The following GPC6 variants were observed in gnomAD, a reference collection of about 807,000 sequenced individuals.
GPC6 encodes the protein glypican 6.
A neutral mutation model predicts 55.2 loss-of-function variants in GPC6; 14 were observed. The ratio of observed to expected loss-of-function variants is 0.25; its 90% CI spans 0.17 to 0.40. The LOEUF (loss-of-function observed/expected upper bound fraction) is 0.40, where lower values mean the gene tolerates loss of function less well. Among genes scored for constraint, GPC6 ranks in the 10% least tolerant of loss-of-function variants. The pLI, the probability that GPC6 is intolerant of heterozygous loss-of-function variation, is 1.00. For synonymous variants in GPC6, 278 were observed against 259.6 expected (o/e 1.07, Z -0.68); for missense variants, 641 against 708.5 (o/e 0.90, Z 1.08).
chr13:93,646,684 G>A (rs1380885639), intron 2 of GPC6, among the ~76,000 whole-genome samples: 1 of 151,780 alleles, frequency 6.6e-6, no homozygotes, highest in Non-Finnish European at 1.5e-5. Flanking sequence ...AATTATTTTT[G>A]TCAAGCTGTT....
intron 3 of GPC6, among the ~76,000 whole-genome samples, chr13:93,996,547 G>A (rs1310848652): frequency 6.6e-6 from 1 of 152,006 alleles, no homozygotes; most frequent in Admixed American, 6.6e-5. Context: ...GTGCTTTCTT[G>A]TCTCCACTCA....
chr13:93,741,169 G>C (rs1485480014), intron 2 of GPC6, among the ~76,000 whole-genome samples: 29 of 139,668 alleles, frequency 2.1e-4, no homozygotes, highest in African/African-American at 7.5e-4. Context: ...TGTCGCCCAG[G>C]TTGGAGTGCA....
intron 6 of GPC6, among the ~76,000 whole-genome samples, chr13:94,377,216 G>A (rs1879910994): frequency 6.6e-6 from 1 of 151,098 alleles, no homozygotes; most frequent in African/African-American, 2.4e-5. Flanking sequence ...TAATTAAAGA[G>A]CTTCTGCACA....
intron 3 of GPC6, among the ~76,000 whole-genome samples, chr13:93,908,621 G>A (rs7999172): frequency 0.58 from 88,184 of 151,824 alleles, 28,389 homozygotes; most frequent in Middle Eastern, 0.73. Context: ...GTTAGGTGGG[G>A]GAAGGAGTAA....
At chr13:93,441,648 G>C (rs1297475021) in intron 1 of GPC6, among the ~76,000 whole-genome samples, 1 of 152,174 alleles carries the variant, frequency 6.6e-6, no homozygotes, top group Non-Finnish European at 1.5e-5. Flanking sequence ...TAGGTTGCCT[G>C]TTCACTCTGA....
At chr13:94,223,801 T>C (rs1890460419) in intron 4 of GPC6, among the ~76,000 whole-genome samples, 1 of 152,146 alleles carries the variant, frequency 6.6e-6, no homozygotes, top group South Asian at 2.1e-4. Context: ...TCATTATTCA[T>C]GGATTCTCTA....
chr13:93,476,052 A>G (rs1039260334), intron 1 of GPC6, among the ~76,000 whole-genome samples: 7 of 151,938 alleles, frequency 4.6e-5, no homozygotes, highest in African/African-American at 1.7e-4. Flanking sequence ...CACCTGACTG[A>G]TTTTTTCATA....
chr13:94,301,432 AAAG>A (rs1475283693), intron 5 of GPC6, among the ~76,000 whole-genome samples: 1 of 152,226 alleles, frequency 6.6e-6, no homozygotes, highest in Non-Finnish European at 1.5e-5. Flanking sequence ...AAGGTTAAAA[AAAG>A]AAAGAAAAGA....
intron 2 of GPC6, 67 bp downstream of exon 2, chr13:93,545,488 A>G (rs1874739401): frequency 7.6e-7 from 1 of 1,317,480 alleles, no homozygotes; most frequent in Non-Finnish European, 1.1e-6. Flanking sequence ...TTGGTATCAT[A>G]TGAAAAATAT....
chr13:93,240,042 T>C (rs1209892608), intron 1 of GPC6, among the ~76,000 whole-genome samples: 1 of 152,124 alleles, frequency 6.6e-6, no homozygotes, highest in African/African-American at 2.4e-5. Flanking sequence ...ACTTGTTTTG[T>C]GGCCTATTGT....
chr13:93,378,629 G>C (rs772567207), intron 1 of GPC6, among the ~76,000 whole-genome samples: 2 of 152,086 alleles, frequency 1.3e-5, no homozygotes, highest in Non-Finnish European at 2.9e-5. Context: ...TAAACATTTG[G>C]TAATGACTTA....
chr13:93,603,340 G>A (rs1427860603), intron 2 of GPC6, among the ~76,000 whole-genome samples: 1 of 152,084 alleles, frequency 6.6e-6, no homozygotes, highest in Non-Finnish European at 1.5e-5. Flanking sequence ...TAGCCATATT[G>A]CATCACTAAA....
chr13:94,204,866 A>G (rs752639675), intron 4 of GPC6, among the ~76,000 whole-genome samples: 38 of 152,174 alleles, frequency 2.5e-4, no homozygotes, highest in Non-Finnish European at 4.0e-4. Flanking sequence ...TCTTTCTTTA[A>G]TAAACATTTA....
chr13:94,264,942 G>T (rs370308554), intron 4 of GPC6, among the ~76,000 whole-genome samples: 2 of 152,142 alleles, frequency 1.3e-5, no homozygotes, highest in Admixed American at 6.5e-5. Flanking sequence ...ATCAGATCTC[G>T]TGAGACTTAT....
intron 3 of GPC6, among the ~76,000 whole-genome samples, chr13:93,878,799 C>G (rs1446963761): frequency 1.3e-5 from 2 of 152,072 alleles, no homozygotes; most frequent in Non-Finnish European, 2.9e-5. Flanking sequence ...CTACCCAGCC[C>G]TTAGAACTGT....
intron 3 of GPC6, among the ~76,000 whole-genome samples, chr13:94,021,771 G>A (rs1045962559): frequency 2.6e-5 from 4 of 151,850 alleles, no homozygotes; most frequent in African/African-American, 4.8e-5. Context: ...AAATAATAAT[G>A]TATGTCAATC....
the GPC6 span, among the ~76,000 whole-genome samples, chr13:93,220,664 T>C: frequency 5.9e-5 from 9 of 152,188 alleles, no homozygotes; most frequent in Non-Finnish European, 1.3e-4. Context: ...GCAATACACT[T>C]TCCTAATGAT....
intron 5 of GPC6, among the ~76,000 whole-genome samples, chr13:94,287,006 G>A (rs1555315917): frequency 6.6e-6 from 1 of 152,042 alleles, no homozygotes; most frequent in Non-Finnish European, 1.5e-5. Flanking sequence ...CACATGAAAA[G>A]AAAAAAAGTA....
At chr13:93,774,289 A>G (rs960026334) in intron 2 of GPC6, among the ~76,000 whole-genome samples, 2 of 152,280 alleles carry the variant, frequency 1.3e-5, no homozygotes, top group South Asian at 2.1e-4. Flanking sequence ...CTGGAGCTCA[A>G]GTCTTCAAGA....
Sources: gnomAD v4.1 joint callset for allele counts (sites outside exome capture counted in the v4.1 genomes callset) on GRCh38, gnomAD v4.1.1 for gene constraint, MANE v1.5 for transcripts, NCBI Gene and HGNC (gene_info 2026-07-23, HGNC 2026-07-21) for gene names.